TMEM132B: variants seen among roughly 807,000 people sequenced by gnomAD.
The protein encoded by TMEM132B is transmembrane protein 132B.
In TMEM132B, 18 loss-of-function variants were observed where a neutral mutation model predicts 90.8. The ratio of observed to expected loss-of-function variants is 0.20; its 90% confidence interval spans 0.14 to 0.29. The LOEUF (loss-of-function observed/expected upper bound fraction) is 0.29, where lower values mean the gene tolerates loss of function less well. TMEM132B is among the 10% of genes least tolerant of loss of function. The pLI is 1.00. For synonymous variants in TMEM132B, 504 were observed against 523.3 expected (o/e 0.96, Z 0.50); for missense variants, 1,096 against 1,326.8 (o/e 0.83, Z 2.70).
At chr12:125,253,848 A>T (rs145657983) in intron 1 of TMEM132B, among the ~76,000 whole-genome samples, 1 of 152,218 alleles carries the variant, frequency 6.6e-6, no homozygotes, top group Non-Finnish European at 1.5e-5. Flanking sequence ...GCTAAGAAGC[A>T]GAGGGTCAGG....
At chr12:125,508,992 C>T (rs1181762270) in intron 3 of TMEM132B, among the ~76,000 whole-genome samples, 1 of 151,962 alleles carries the variant, frequency 6.6e-6, no homozygotes, top group East Asian at 1.9e-4. Flanking sequence ...CCATGTTGCC[C>T]AGGCTGGTCT....
At position 125,322,646 on chromosome 12, in the gene TMEM132B, C is replaced by T. The variant is rs920819594; in HGVS notation, c.68-26806C>T. Among the ~76,000 whole-genome samples the T allele has an allele frequency of 7.2e-5, 11 of 152,092 alleles. 1 individual carries two copies. The highest frequency in any genetic ancestry group is 2.4e-4 in the African/African-American group (10 of 41,410). ...TCAAACCATACACTTTAATTGGGTACGTTTTATTGGATGCCAAGTATACCT... is the reference window on the plus strand; with the variant it reads ...TCAAACCATACACTTTAATTGGGTATGTTTTATTGGATGCCAAGTATACCT... On this transcript the variant is annotated intron_variant, in intron 1 of 8. Transcript: ENST00000682704.
At chr12:125,192,923 A>C (rs1438649865) in intron 1 of TMEM132B, among the ~76,000 whole-genome samples, 1 of 152,228 alleles carries the variant, frequency 6.6e-6, no homozygotes, top group Non-Finnish European at 1.5e-5. Context: ...TGGGCGCCGA[A>C]ATTCTCCCTG....
chr12:125,460,372 A>G lies in TMEM132B; in HGVS notation c.1106+44695A>G, dbSNP rs777108887. Among the ~76,000 whole-genome samples, 21 of 152,022 alleles carry G rather than the reference A, an allele frequency of 1.4e-4. No individual in the cohort carries two copies. The highest frequency in any genetic ancestry group is 2.6e-4 in the Admixed American group (4 of 15,262). ...CTGGGCATGGTGGTGGGCGCCTGTAATCTCAGCTACTCAGGAGGCTGAGGC... is the reference window on the plus strand; with the variant it reads ...CTGGGCATGGTGGTGGGCGCCTGTAGTCTCAGCTACTCAGGAGGCTGAGGC... On this transcript the variant is annotated intron_variant, in intron 3 of 8. Coordinates refer to ENST00000682704, the MANE Select transcript of TMEM132B (RefSeq NM_001366854.1). This position sits in a 1 kb window ranked among gnomAD's most constrained non-coding sequence, Gnocchi z 4.4.
At chr12:125,205,943 G>A (rs1565974939) in intron 1 of TMEM132B, among the ~76,000 whole-genome samples, 1 of 152,166 alleles carries the variant, frequency 6.6e-6, no homozygotes, top group Non-Finnish European at 1.5e-5. Context: ...CCTCAGTAAG[G>A]GTTAATCATT....
rs1033359909 is a variant in TMEM132B, at chr12:125,255,241, TCTCCTCTCTCTCTC to T, written c.67+68390_67+68403del. Among the ~76,000 whole-genome samples, 76 of 151,930 alleles carry T rather than the reference TCTCCTCTCTCTCTC, an allele frequency of 5.0e-4. No homozygotes were observed. In the East Asian group the frequency reaches 0.013, roughly 26 times the overall value. ...TGCGGAGCAAATTCTCTCTCTTCTCTCTCCTCTCTCTCTCCTCCTCTCTCTCTCTTTCTCTTTCT... is the reference window on the plus strand; with the variant it reads ...TGCGGAGCAAATTCTCTCTCTTCTCTCTCCTCTCTCTCTCTTTCTCTTTCT... On this transcript the variant is annotated intron_variant, in intron 1 of 8. Transcript: ENST00000682704.
At chr12:125,239,179 A>C (rs1216064019) in intron 1 of TMEM132B, among the ~76,000 whole-genome samples, 3 of 152,022 alleles carry the variant, frequency 2.0e-5, no homozygotes, top group African/African-American at 7.3e-5. Context: ...GATGAGATGA[A>C]GTCCCAGGCT....
chr12:125,350,484 A>T, intron 2 of TMEM132B, 141 bp downstream of exon 2: 1 of 999,342 alleles, frequency 1.0e-6, no homozygotes, highest in South Asian at 1.6e-5. Flanking sequence ...GTGAAAACAG[A>T]TTTTATTCAG....
chr12:125,495,281 C>T (rs1337151838), intron 3 of TMEM132B, among the ~76,000 whole-genome samples: 2 of 143,534 alleles, frequency 1.4e-5, no homozygotes, highest in African/African-American at 2.6e-5. Context: ...GTCCCTCCTC[C>T]CCCTCCTCCC....
intron 3 of TMEM132B, among the ~76,000 whole-genome samples, chr12:125,462,061 A>G (rs1460540084): frequency 6.6e-6 from 1 of 152,238 alleles, no homozygotes; most frequent in East Asian, 1.9e-4. Context: ...CTCACATGAC[A>G]GCCCCTGGGA....
intron 2 of TMEM132B, among the ~76,000 whole-genome samples, chr12:125,414,282 G>C (rs1243661204): frequency 6.6e-6 from 1 of 152,118 alleles, no homozygotes; most frequent in East Asian, 1.9e-4. Context: ...CTCCCATTCT[G>C]TAGGTTGTCT....
intron 4 of TMEM132B, among the ~76,000 whole-genome samples, chr12:125,579,746 T>C (rs1018130376): frequency 1.2e-4 from 18 of 152,332 alleles, no homozygotes; most frequent in African/African-American, 1.9e-4. Context: ...ATTGTCATCT[T>C]TGTGTAGTAG....
intron 5 of TMEM132B, chr12:125,622,472 C>G: frequency 1.0e-6 from 1 of 985,420 alleles, no homozygotes; most frequent in Non-Finnish European, 1.2e-6. Flanking sequence ...TTCCAACCAA[C>G]CTTTCCTGTG....
chr12:125,579,498 AT>A, intron 4 of TMEM132B, among the ~76,000 whole-genome samples: 1 of 151,528 alleles, frequency 6.6e-6, no homozygotes, highest in South Asian at 2.1e-4. Context: ...AGTAGCTGGG[AT>A]TACAGGTGTG....
chr12:125,485,497 T>A, intron 3 of TMEM132B, among the ~76,000 whole-genome samples: 2 of 152,190 alleles, frequency 1.3e-5, no homozygotes, highest in East Asian at 3.9e-4. Context: ...CCTCACGTCC[T>A]TATGACCTTC....
intron 5 of TMEM132B, among the ~76,000 whole-genome samples, chr12:125,640,929 G>GACACACACACAC (rs60088908): frequency 1.3e-5 from 2 of 149,326 alleles, no homozygotes; most frequent in African/African-American, 4.9e-5. Flanking sequence ...AGGAGAAATA[G>GACACACACACAC]ACACACACAC....
intron 4 of TMEM132B, among the ~76,000 whole-genome samples, chr12:125,576,966 C>CT (rs113266697): frequency 0.029 from 3,943 of 135,980 alleles, 135 homozygotes; most frequent in African/African-American, 0.089. Context: ...TGATGCCTTT[C>CT]TTTTTTTTTT....
At chr12:125,596,863 T>C (rs1019657313) in intron 5 of TMEM132B, among the ~76,000 whole-genome samples, 1 of 152,230 alleles carries the variant, frequency 6.6e-6, no homozygotes, top group African/African-American at 2.4e-5. Flanking sequence ...CTTCTTTTCA[T>C]AGAAGCACAG....
At chr12:125,392,937 T>C (rs1879067932) in intron 2 of TMEM132B, among the ~76,000 whole-genome samples, 1 of 152,312 alleles carries the variant, frequency 6.6e-6, no homozygotes, top group Non-Finnish European at 1.5e-5. Flanking sequence ...GACTGAGCCC[T>C]GGGGGCCCCG....
Sources: allele counts gnomAD v4.1 joint callset (sites outside exome capture counted in the v4.1 genomes callset), GRCh38; gene constraint gnomAD v4.1.1; non-coding constraint Gnocchi (gnomAD v3.1); transcripts MANE v1.5; gene names NCBI Gene and HGNC (gene_info 2026-07-23, HGNC 2026-07-21).